The following IPPK variants were observed in gnomAD, a reference collection of about 807,000 sequenced individuals.
IPPK encodes the protein inositol-pentakisphosphate 2-kinase.
In IPPK, 22 loss-of-function variants were observed where a neutral mutation model predicts 64.6. The observed-to-expected ratio is 0.34, with a 90% CI of 0.24 to 0.49. The LOEUF is 0.49. Among genes scored for constraint, IPPK ranks in the 20% least tolerant of loss-of-function variants. The pLI, the probability that IPPK is intolerant of heterozygous loss-of-function variation, is 0.99. For synonymous variants in IPPK, 262 were observed against 247.2 expected, an observed-to-expected ratio of 1.06 and a Z score of -0.56; for missense variants, 532 against 630.7, an observed-to-expected ratio of 0.84 and a Z score of 1.68.
At chr9:92,647,407 C>T (rs1377284658) in intron 6 of IPPK, among the ~76,000 whole-genome samples, 2 of 152,150 alleles carry the variant, frequency 1.3e-5, no homozygotes, top group African/African-American at 2.4e-5. Flanking sequence ...TAATTCCTAA[C>T]TCATTCCATG....
intron 11 of IPPK, among the ~76,000 whole-genome samples, chr9:92,631,118 T>G (rs1190552963): frequency 2.0e-5 from 3 of 151,882 alleles, no homozygotes; most frequent in African/African-American, 7.3e-5. Context: ...AAAGCAAGAG[T>G]TATTGGGGGC....
intron 6 of IPPK, among the ~76,000 whole-genome samples, chr9:92,646,227 G>T (rs551051798): frequency 5.3e-5 from 8 of 152,316 alleles, no homozygotes; most frequent in African/African-American, 1.9e-4. Context: ...CAACGAGGCA[G>T]AAAGTCAACA....
chr9:92,629,422 A>G (rs1001336910), intron 11 of IPPK, among the ~76,000 whole-genome samples: 3 of 152,222 alleles, frequency 2.0e-5, no homozygotes, highest in Non-Finnish European at 2.9e-5. Context: ...GCCAGAATAT[A>G]CAAAGAATTC....
chr9:92,627,855 C>T (rs188817951), intron 11 of IPPK, among the ~76,000 whole-genome samples: 5 of 152,186 alleles, frequency 3.3e-5, no homozygotes, highest in Admixed American at 6.5e-5. Flanking sequence ...CAGGAAATTA[C>T]GCAAGAAAAA....
chr9:92,637,938 G>T, intron 9 of IPPK, 63 bp downstream of exon 9: 3 of 1,440,198 alleles, frequency 2.1e-6, no homozygotes, highest in Middle Eastern at 2.5e-4. Flanking sequence ...CCACCCATGG[G>T]GACTGCAGAG....
At chr9:92,648,781 G>A (rs752876616) in intron 5 of IPPK, among the ~76,000 whole-genome samples, 3 of 152,220 alleles carry the variant, frequency 2.0e-5, no homozygotes, top group Non-Finnish European at 2.9e-5. Flanking sequence ...ACAAAGGCCA[G>A]GGCATGTGAG....
Position 92,635,293 on chromosome 9 carries a change from T to G in IPPK, c.932A>C (p.Glu311Ala). 1 of 1,609,566 alleles carries G rather than the reference T, an allele frequency of 6.2e-7. No individual in the cohort carries two copies. The highest frequency in any genetic ancestry group is 1.3e-5 in the African/African-American group (1 of 74,514). The change falls in exon 10 of 13, where the codon GAG becomes GCG. Residue 311 changes from glutamate to alanine, a missense_variant. Glu to Ala is a moderately radical substitution (Grantham distance 107, BLOSUM62 -1). Transcript: ENST00000287996. The surrounding 1 kb of genome is among the most constrained non-coding windows in gnomAD (Gnocchi z 4.4). ...ACAGCCCTTCGGTAACCCCGAGCGC[T>G]CTGGGGTGTTTTTTCCTACCGAGAA... is the stretch of plus-strand genomic sequence containing the variant. The part of the protein sequence containing the change: ...SLRCQGKNTP[E>A]RSGLPKGCLL...
At position 92,638,164 on chromosome 9, in the gene IPPK, G is replaced by C. The variant is rs200925287; in HGVS notation, c.753C>G (p.Pro251=). The change falls in exon 9 of 13, where the codon CCC becomes CCG. Residue 251 remains proline, a synonymous_variant. Transcript: ENST00000287996. ...FFPSNGLASG[P]HCTRAVIREL... Reference sequence around the variant, plus strand: ...CCCTGATCACAGCCCTTGTGCAGTGGGGCCCACTGGCCAGGCCGTTGGAAG... The same window carrying C: ...CCCTGATCACAGCCCTTGTGCAGTGCGGCCCACTGGCCAGGCCGTTGGAAG... 2 of 1,614,250 alleles carry C rather than the reference G, an allele frequency of 1.2e-6. No individual in the cohort carries two copies. Among genetic ancestry groups the C allele is most frequent in the Admixed American group, 1.7e-5 (1 of 60,034 alleles).
In IPPK at chr9:92,642,798, T is replaced by C. The variant is rs1368345265; in HGVS notation, c.517A>G (p.Lys173Glu). The C allele has an allele frequency of 1.2e-6, 2 of 1,614,064 alleles. No homozygotes were observed. Among genetic ancestry groups the C allele is most frequent in the Non-Finnish European group, 1.7e-6 (2 of 1,179,916 alleles). The change falls in exon 7 of 13, where the codon AAG becomes GAG. Residue 173 changes from lysine (K) to glutamate (E), a missense_variant. Physicochemically the swap from Lys to Glu is moderately conservative, Grantham distance 56. Transcript: ENST00000287996. ...CAGTATTTGCTGATCTGCTTCCACT[T>C]CCCAGTTGCTACCTGTGAAAACACC... The part of the protein sequence containing the change: ...MHQHLKVATG[K>E]WKQISKYCPL...
chr9:92,647,541 T>C (rs1852171927), intron 6 of IPPK, among the ~76,000 whole-genome samples: 1 of 152,060 alleles, frequency 6.6e-6, no homozygotes, highest in Non-Finnish European at 1.5e-5. Context: ...TATAAAAGTA[T>C]TATACACCAT....
At chr9:92,665,297 GA>G (rs956297865) in intron 1 of IPPK, among the ~76,000 whole-genome samples, 1 of 152,150 alleles carries the variant, frequency 6.6e-6, no homozygotes. Flanking sequence ...TATACAGTCA[GA>G]AAAAAACAGA....
intron 12 of IPPK, chr9:92,618,940 T>C: frequency 3.5e-6 from 1 of 282,972 alleles, no homozygotes; most frequent in South Asian, 3.7e-5. Flanking sequence ...TATGAGATTA[T>C]CAGTTTCATC....
At chr9:92,653,253 C>A (rs1001744670) in intron 3 of IPPK, among the ~76,000 whole-genome samples, 1 of 152,186 alleles carries the variant, frequency 6.6e-6, no homozygotes, top group Admixed American at 6.5e-5. Context: ...CCTGTCCTCT[C>A]GTGTTTCTAG....
chr9:92,628,391 T>C (rs776436320), intron 11 of IPPK, among the ~76,000 whole-genome samples: 18 of 152,162 alleles, frequency 1.2e-4, no homozygotes, highest in Non-Finnish European at 2.1e-4. Flanking sequence ...AGACCAAAGT[T>C]AGAGAACTCA....
rs545209732 is a variant in IPPK at position 92,656,614 on chromosome 9, G to A, written c.130-63C>T. The A allele has an allele frequency of 5.1e-4, 582 of 1,140,090 alleles. 4 individuals carry two copies. The South Asian group carries it at 6.9e-3, about 13-fold the overall frequency. The allele number at this position is 1,140,090 out of a possible 1,614,324, so 70.6% of individuals were successfully genotyped here. A position where few individuals can be genotyped will look rare whatever the true frequency, so the allele number is the denominator to read the frequency against. On this transcript the variant is annotated intron_variant, in intron 2 of 12. Coordinates refer to ENST00000287996, the MANE Select transcript of IPPK (RefSeq NM_022755.6). ...ACCTCCCAACAGAGCCTTGCTTGAG[G>A]GGAGAGGCAAAAACCACCACGGACC...
intron 4 of IPPK, among the ~76,000 whole-genome samples, chr9:92,651,629 G>A (rs1455967133): frequency 6.6e-6 from 1 of 152,174 alleles, no homozygotes; most frequent in African/African-American, 2.4e-5. Context: ...CCAGGCCTCT[G>A]GGAACCCTTC....
chr9:92,623,589 G>T (rs1000243571), intron 11 of IPPK, among the ~76,000 whole-genome samples: 6 of 152,220 alleles, frequency 3.9e-5, no homozygotes, highest in African/African-American at 1.4e-4. Flanking sequence ...AAAAAAATGA[G>T]CAAGAGACTT....
At chr9:92,619,912 C>T (rs1378165094) in intron 11 of IPPK, 5 of 313,774 alleles carry the variant, frequency 1.6e-5, no homozygotes, top group African/African-American at 6.3e-5. Context: ...ACCTGAGCCC[C>T]GCATGTTGGC....
intron 1 of IPPK, among the ~76,000 whole-genome samples, chr9:92,669,327 T>C (rs1852674911): frequency 6.6e-6 from 1 of 152,242 alleles, no homozygotes; most frequent in Non-Finnish European, 1.5e-5. Context: ...TCACCCTCGT[T>C]GAATTCAGGT....
Sources: allele counts gnomAD v4.1 joint callset (sites outside exome capture counted in the v4.1 genomes callset), GRCh38; gene constraint gnomAD v4.1.1; non-coding constraint Gnocchi (gnomAD v3.1); transcripts MANE v1.5; gene names NCBI Gene and HGNC (gene_info 2026-07-23, HGNC 2026-07-21).